The following VPS13D variants were observed in gnomAD, a reference collection of about 807,000 sequenced individuals.
VPS13D encodes vacuolar protein sorting 13 homolog D, also known as intermembrane lipid transfer protein VPS13D.
A neutral mutation model predicts 461.9 loss-of-function variants in VPS13D; 187 were observed. The observed-to-expected ratio is 0.40, with a 90% CI of 0.36 to 0.46. The LOEUF (loss-of-function observed/expected upper bound fraction) is 0.46, where lower values mean the gene tolerates loss of function less well. Ranked by LOEUF, VPS13D falls within the 20% of genes least tolerant of loss-of-function variation. The pLI, the probability that VPS13D is intolerant of heterozygous loss-of-function variation, is 0.60. For missense variants in VPS13D, 4,711 were observed against 5,364.9 expected (o/e 0.88, Z 3.81); for synonymous variants, 1,951 against 1,986.3 (o/e 0.98, Z 0.47).
intron 10 of VPS13D, among the ~76,000 whole-genome samples, chr1:12,259,654 T>C (rs1284572488): frequency 6.6e-6 from 1 of 152,056 alleles, no homozygotes; most frequent in Non-Finnish European, 1.5e-5. Context: ...GAAGAGAAAA[T>C]CTTATTTACA....
Position 12,456,138 on chromosome 1 carries a change from A to G in VPS13D, c.12466+8A>G. ...TCCATGGCCTGGCTCATGGTAAGTC[A>G]TGGGTGACATCAGGCTCTGCTGCTG... On this transcript the variant is annotated splice_region_variant and intron_variant, in intron 66 of 69. Transcript: ENST00000620676. The G allele has an allele frequency of 6.2e-7, 1 of 1,606,832 alleles. No homozygotes were observed. Among genetic ancestry groups the G allele is most frequent in the Non-Finnish European group, 8.5e-7 (1 of 1,177,456 alleles).
intron 6 of VPS13D, among the ~76,000 whole-genome samples, chr1:12,251,200 T>C (rs577064753): frequency 1.8e-4 from 27 of 152,412 alleles, no homozygotes; most frequent in African/African-American, 6.3e-4. Context: ...TGTGGCCCTT[T>C]ATGGAAGAGC....
chr1:12,297,919 C>T (rs1277245452), intron 24 of VPS13D, among the ~76,000 whole-genome samples: 1 of 152,118 alleles, frequency 6.6e-6, no homozygotes, highest in Admixed American at 6.6e-5. Context: ...ACTCTTAGCC[C>T]TGGTTGTCTG....
intron 15 of VPS13D, 124 bp downstream of exon 15, chr1:12,268,044 C>T: frequency 4.3e-6 from 3 of 696,938 alleles, no homozygotes; most frequent in Non-Finnish European, 6.9e-6. Context: ...TCACTGCAAC[C>T]TCTGCCTCCC....
chr1:12,342,224 A>G (rs1001572281), intron 41 of VPS13D, among the ~76,000 whole-genome samples: 1 of 152,220 alleles, frequency 6.6e-6, no homozygotes, highest in Non-Finnish European at 1.5e-5. Context: ...ATGTGTGGTT[A>G]TCACACCAAA....
In VPS13D at chr1:12,460,227, A is replaced by G. The variant is rs201470132; in HGVS notation, c.12493A>G (p.Ile4165Val). The part of the protein sequence containing the change: ...HGIIGGLTSV[I>V]TSTVEGVKTE... Reference sequence around the variant, plus strand: ...TATCATTGGTGGACTGACCAGTGTTATAACTTCGACAGTGGAAGGTGTGAA... The same window carrying G: ...TATCATTGGTGGACTGACCAGTGTTGTAACTTCGACAGTGGAAGGTGTGAA... The change falls in exon 67 of 70, where the codon ATA (isoleucine) becomes GTA (valine). Residue 4165 changes from isoleucine (I) to valine (V), a missense_variant. By Grantham distance (29) the Ile-to-Val change is conservative (BLOSUM62 3). Coordinates refer to ENST00000620676, the MANE Select transcript of VPS13D (RefSeq NM_015378.4). 2.8e-5 allele frequency: 45 copies of G among 1,608,372 alleles called. No homozygotes were observed. Among genetic ancestry groups the G allele is most frequent in the Non-Finnish European group, 3.7e-5 (44 of 1,177,282 alleles).
At chr1:12,232,687 T>C (rs908549262) in intron 1 of VPS13D, among the ~76,000 whole-genome samples, 2 of 148,090 alleles carry the variant, frequency 1.4e-5, no homozygotes, top group Non-Finnish European at 3.0e-5. Context: ...ACACCAGTTA[T>C]TATAACAGGC....
intron 65 of VPS13D, among the ~76,000 whole-genome samples, chr1:12,450,514 A>G (rs1645249461): frequency 6.6e-5 from 10 of 152,188 alleles, no homozygotes; most frequent in Admixed American, 6.5e-4. Flanking sequence ...CATTCAGTAG[A>G]AACTGTACTT....
intron 13 of VPS13D, among the ~76,000 whole-genome samples, chr1:12,262,988 G>C (rs1641160075): frequency 6.6e-6 from 1 of 152,150 alleles, no homozygotes; most frequent in South Asian, 2.1e-4. Context: ...ACAGGCCTGA[G>C]CCATTGCGCT....
In VPS13D at chr1:12,502,521, G is replaced by A. The variant is rs953529304; in HGVS notation, c.12795-4332G>A. On this transcript the variant is annotated intron_variant, in intron 68 of 69. Coordinates refer to ENST00000620676, the MANE Select transcript of VPS13D (RefSeq NM_015378.4). This position sits in a 1 kb window ranked among gnomAD's most constrained non-coding sequence, Gnocchi z 4.3. Reference sequence around the variant, plus strand: ...CAGACATGGAGTCAGGGCCATAGGTGGACCTGGGGTGGGTAACGCCTAGGG... The same window carrying A: ...CAGACATGGAGTCAGGGCCATAGGTAGACCTGGGGTGGGTAACGCCTAGGG... Among the ~76,000 whole-genome samples the A allele has an allele frequency of 2.6e-5, 4 of 152,076 alleles. No homozygotes were observed. Among genetic ancestry groups the A allele is most frequent in the African/African-American group, 9.7e-5 (4 of 41,398 alleles).
chr1:12,499,817 G>A, intron 68 of VPS13D: 3 of 985,402 alleles, frequency 3.0e-6, no homozygotes, highest in Non-Finnish European at 3.6e-6. Flanking sequence ...TTGTCAGCCT[G>A]GGTCTTCGCG....
chr1:12,253,675 G>C, intron 6 of VPS13D, 47 bp from the exon 7 acceptor site: 1 of 1,415,840 alleles, frequency 7.1e-7, no homozygotes, highest in Non-Finnish European at 1.0e-6. Context: ...TGACATTCAC[G>C]AATAAAGACA....
At chr1:12,282,389 T>C (rs1209148982) in intron 20 of VPS13D, among the ~76,000 whole-genome samples, 1 of 152,202 alleles carries the variant, frequency 6.6e-6, no homozygotes, top group African/African-American at 2.4e-5. Context: ...CGCCAGACTT[T>C]TGTCAACACT....
intron 42 of VPS13D, 35 bp downstream of exon 42, chr1:12,343,086 G>A (rs180901875): frequency 1.9e-6 from 3 of 1,558,728 alleles, no homozygotes; most frequent in Non-Finnish European, 2.6e-6. Flanking sequence ...TTAAAAAAAA[G>A]AAAGTGGATG....
chr1:12,373,423 A>T (rs2101633521), intron 54 of VPS13D, among the ~76,000 whole-genome samples: 1 of 151,318 alleles, frequency 6.6e-6, no homozygotes, highest in Admixed American at 6.6e-5. Context: ...GCCTGGCCAA[A>T]TTTTTTGCCT....
At chr1:12,319,657 C>T (rs756722309) in intron 32 of VPS13D, 27 bp downstream of exon 32, 3 of 1,614,020 alleles carry the variant, frequency 1.9e-6, no homozygotes, top group Admixed American at 1.7e-5. Context: ...TTGATCACAG[C>T]ACTGCGTGTT....
intron 67 of VPS13D, among the ~76,000 whole-genome samples, chr1:12,485,659 G>A (rs780059522): frequency 3.3e-5 from 5 of 152,158 alleles, no homozygotes; most frequent in Admixed American, 1.3e-4. Flanking sequence ...TTTTAAAAAG[G>A]TTGTTGGGGG....
chr1:12,390,487 G>A (rs754477074), intron 60 of VPS13D, among the ~76,000 whole-genome samples: 2 of 152,164 alleles, frequency 1.3e-5, no homozygotes, highest in Non-Finnish European at 2.9e-5. Flanking sequence ...TTGGTCAGAG[G>A]CAATGCTGTG....
chr1:12,363,041 T>G, intron 51 of VPS13D, 31 bp from the exon 52 acceptor site: 1 of 1,611,048 alleles, frequency 6.2e-7, no homozygotes, highest in South Asian at 1.1e-5. Context: ...ATCGACTTGT[T>G]GACTAAAGCC....
Sources: gnomAD v4.1 joint callset for allele counts (sites outside exome capture counted in the v4.1 genomes callset) on GRCh38, gnomAD v4.1.1 for gene constraint, Gnocchi (gnomAD v3.1) non-coding constraint, MANE v1.5 for transcripts, NCBI Gene and HGNC (gene_info 2026-07-23, HGNC 2026-07-21) for gene names.